Variants in PSD2 observed in about 807,000 individuals in gnomAD.
PSD2 encodes the protein pleckstrin and Sec7 domain containing 2, also known as PH and SEC7 domain-containing protein 2.
Under a neutral mutation model 69.8 loss-of-function variants are expected in PSD2, and 38 were observed. The ratio of observed to expected loss-of-function variants is 0.54; its 90% CI spans 0.42 to 0.71. PSD2 has a LOEUF of 0.71. PSD2 is among the 30% of genes least tolerant of loss of function. The pLI, the probability that PSD2 is intolerant of heterozygous loss-of-function variation, is 0.00. For missense variants in PSD2, 943 were observed against 1,014.5 expected (o/e 0.93, Z 0.96); for synonymous variants, 412 against 423.0 (o/e 0.97, Z 0.32).
At chr5:139,766,986 T>TTTCC in the PSD2 span, among the ~76,000 whole-genome samples, 1 of 137,120 alleles carries the variant, frequency 7.3e-6, no homozygotes, top group Non-Finnish European at 1.6e-5. Context: ...TCTTTCTTTC[T>TTTCC]TTCTTTCTTT....
chr5:139,787,027 G>A, the PSD2 span, among the ~76,000 whole-genome samples: 2 of 152,146 alleles, frequency 1.3e-5, no homozygotes, highest in African/African-American at 4.8e-5. Context: ...ACGAGCATCC[G>A]AACCGGGGAG....
chr5:139,837,160 C>T lies in PSD2; in HGVS notation c.1595-8C>T, dbSNP rs1263040560. ...CTGCAGCCACACTACCAGTGCCCTC[C>T]TCCCCAGCGCCCCGTGGGAGGCGTG... On this transcript the variant is annotated splice_polypyrimidine_tract_variant and splice_region_variant and intron_variant, in intron 10 of 14. Transcript: ENST00000274710. This position sits in a 1 kb window ranked among gnomAD's most constrained non-coding sequence, Gnocchi z 5.0. 1.2e-6 allele frequency: 2 copies of T among 1,613,966 alleles called. No individual in the cohort carries two copies. Among genetic ancestry groups the T allele is most frequent in the South Asian group, 1.1e-5 (1 of 91,062 alleles).
At chr5:139,766,932 T>TCCTTCCTTC in the PSD2 span, among the ~76,000 whole-genome samples, 3 of 52,662 alleles carry the variant, frequency 5.7e-5, no homozygotes, top group African/African-American at 2.6e-4. Context: ...TTCCTTCCCT[T>TCCTTCCTTC]CTTTCTTTCT....
intron 1 of PSD2, among the ~76,000 whole-genome samples, chr5:139,808,621 G>A (rs1300786305): frequency 6.6e-6 from 1 of 152,186 alleles, no homozygotes; most frequent in Admixed American, 6.5e-5. Context: ...AGCTGGGTGA[G>A]CTCTGATGGG....
At chr5:139,783,943 C>CTTTTTTTTTTTTTTTTTTTTTTTTTTTT in the PSD2 span, among the ~76,000 whole-genome samples, 54 of 87,878 alleles carry the variant, frequency 6.1e-4, 2 homozygotes, top group Non-Finnish European at 7.1e-4. Flanking sequence ...TCTGCTAGCT[C>CTTTTTTTTTTTTTTTTTTTTTTTTTTTT]TTTTTTTTTT....
intron 1 of PSD2, among the ~76,000 whole-genome samples, chr5:139,805,608 A>C (rs1448188650): frequency 1.3e-5 from 2 of 152,198 alleles, no homozygotes; most frequent in African/African-American, 4.8e-5. Context: ...TCCATGATGC[A>C]GTGCCAGGGG....
At chr5:139,835,377 T>C (rs1057167354) in intron 8 of PSD2, among the ~76,000 whole-genome samples, 1 of 152,108 alleles carries the variant, frequency 6.6e-6, no homozygotes, top group African/African-American at 2.4e-5. Flanking sequence ...ATCCTCCCAT[T>C]CATCCTCCCA....
chr5:139,837,328 G>T lies in PSD2; in HGVS notation c.1665+90G>T, dbSNP rs748742453. The T allele has an allele frequency of 3.9e-6, 5 of 1,270,366 alleles. No homozygotes were observed. The highest frequency in any genetic ancestry group is 5.6e-6 in the Non-Finnish European group (5 of 885,476). The allele number at this position is 1,270,366 out of a possible 1,614,324, so 78.7% of individuals were successfully genotyped here. A position where few individuals can be genotyped will look rare whatever the true frequency, so the allele number is the denominator to read the frequency against. On this transcript the variant is annotated intron_variant, in intron 11 of 14. Transcript: ENST00000274710. This position sits in a 1 kb window ranked among gnomAD's most constrained non-coding sequence, Gnocchi z 5.0. ...TGTGGCACCCCGAAGCCCCAGGCAGGACCTGGGGCTCAGGCACATGCTGGG... is the reference window on the plus strand; with the variant it reads ...TGTGGCACCCCGAAGCCCCAGGCAGTACCTGGGGCTCAGGCACATGCTGGG...
At chr5:139,815,831 C>CA (rs1467391855) in intron 4 of PSD2, among the ~76,000 whole-genome samples, 1 of 151,646 alleles carries the variant, frequency 6.6e-6, no homozygotes, top group African/African-American at 2.4e-5. Context: ...CTGTCTCTAA[C>CA]AAAAATACAA....
chr5:139,814,318 C>T lies in PSD2; in HGVS notation c.970C>T (p.Leu324Phe). ...AHRLARRLYHLEGFQRCDVAR... is the reference protein window; with the variant it reads ...AHRLARRLYHFEGFQRCDVAR... ...TCGGCTGGCACGCCGTCTCTACCAC[C>T]TCGAGGGCTTCCAGCGCTGTGATGT... is the stretch of plus-strand genomic sequence containing the variant. The change falls in exon 4 of 15, where the codon CTC becomes TTC. Residue 324 changes from leucine (L) to phenylalanine (F), a missense_variant. Physicochemically the swap from Leu to Phe is conservative, Grantham distance 22 (BLOSUM62 0). Transcript: ENST00000274710. The surrounding 1 kb of genome is among the most constrained non-coding windows in gnomAD (Gnocchi z 4.4). 11 of 1,612,342 alleles carry T rather than the reference C, an allele frequency of 6.8e-6. No homozygotes were observed. The highest frequency in any genetic ancestry group is 9.3e-6 in the Non-Finnish European group (11 of 1,179,332).
chr5:139,796,263 A>G (rs1425359930), intron 1 of PSD2, among the ~76,000 whole-genome samples: 3 of 152,008 alleles, frequency 2.0e-5, no homozygotes, highest in African/African-American at 7.2e-5. Flanking sequence ...AGCCTGAGGG[A>G]CGGTGGGGGC....
At chr5:139,825,731 T>C (rs1395480998) in intron 7 of PSD2, among the ~76,000 whole-genome samples, 1 of 152,022 alleles carries the variant, frequency 6.6e-6, no homozygotes, top group Non-Finnish European at 1.5e-5. Flanking sequence ...GATTTTGACC[T>C]GTGTTTCTGA....
Position 139,837,580 on chromosome 5 carries a change from AG to A in PSD2, c.1666-43del, listed in dbSNP as rs768457771. 1 of 1,548,418 alleles carries A rather than the reference AG, an allele frequency of 6.5e-7. No homozygotes were observed. The highest frequency in any genetic ancestry group is 1.9e-5 in the Admixed American group (1 of 53,974). ...AGCAGTGAGGGGAGGGGAGAGTGGA[AG>A]GTGTGGGTCAGTGACCCTAGCTCGC... is the stretch of plus-strand genomic sequence containing the variant. On this transcript the variant is annotated intron_variant, in intron 11 of 14. Coordinates refer to ENST00000274710, the MANE Select transcript of PSD2 (RefSeq NM_032289.4). The surrounding 1 kb of genome is among the most constrained non-coding windows in gnomAD (Gnocchi z 5.0).
intron 7 of PSD2, among the ~76,000 whole-genome samples, chr5:139,828,215 A>G (rs1003338997): frequency 1.6e-4 from 24 of 151,134 alleles, no homozygotes; most frequent in Admixed American, 5.3e-4. Flanking sequence ...TGCACAGCCT[A>G]TGGCACTGGT....
rs749904642 is a variant in PSD2, at chr5:139,817,543, C to G, written c.1079C>G (p.Thr360Ser). 6.2e-7 allele frequency: 1 copy of G among 1,614,118 alleles called. No individual in the cohort carries two copies. Among genetic ancestry groups the G allele is most frequent in the Non-Finnish European group, 8.5e-7 (1 of 1,179,962 alleles). The change falls in exon 5 of 15, where the codon ACT becomes AGT. Residue 360 changes from threonine (T) to serine (S), a missense_variant. Physicochemically the swap from Thr to Ser is moderately conservative, Grantham distance 58 (BLOSUM62 1). This residue lies in a region of PSD2 where 312 missense variants were observed against 400.7 expected (regional missense o/e 0.78). Transcript: ENST00000274710. The stretch of plus-strand genomic sequence containing the variant: ...AGTTTCTTCGACTTCTCGGGCTTGA[C>G]TCTGGACGGAGCACTCAGGTCAGTG... Reference protein sequence around the residue: ...YLSFFDFSGLTLDGALRTFLK... With the variant: ...YLSFFDFSGLSLDGALRTFLK...
the PSD2 span, among the ~76,000 whole-genome samples, chr5:139,757,406 C>G: frequency 7.9e-5 from 12 of 152,126 alleles, no homozygotes; most frequent in Non-Finnish European, 1.6e-4. Flanking sequence ...AGTAAGTGAA[C>G]GTAGCAAAGG....
At chr5:139,799,727 A>G (rs56814871) in intron 1 of PSD2, among the ~76,000 whole-genome samples, 35,858 of 150,080 alleles carry the variant, frequency 0.24, 4,389 homozygotes, top group African/African-American at 0.31. Context: ...GCATATAGAG[A>G]GAGTGGAGTT....
At chr5:139,755,527 G>A in the PSD2 span, among the ~76,000 whole-genome samples, 1 of 152,010 alleles carries the variant, frequency 6.6e-6, no homozygotes, top group African/African-American at 2.4e-5. Context: ...ATGTGTGTAT[G>A]TCCCTGGGAG....
chr5:139,789,820 T>C, the PSD2 span, among the ~76,000 whole-genome samples: 198 of 151,814 alleles, frequency 1.3e-3, no homozygotes, highest in African/African-American at 4.4e-3. Flanking sequence ...TATATACATA[T>C]GTGTTATGGA....
Sources: gnomAD v4.1 joint callset for allele counts (sites outside exome capture counted in the v4.1 genomes callset) on GRCh38, gnomAD v4.1.1 for gene constraint, gnomAD v4.1.1 regional missense constraint, Gnocchi (gnomAD v3.1) non-coding constraint, MANE v1.5 for transcripts, NCBI Gene and HGNC (gene_info 2026-07-23, HGNC 2026-07-21) for gene names.